The following VAT1L variants were observed in gnomAD, a reference collection of about 807,000 sequenced individuals.
VAT1L encodes the protein vesicle amine transport 1 like.
VAT1L carries 34 observed loss-of-function variants against 44.1 expected under a neutral mutation model. That is an observed-to-expected ratio of 0.77 (90% confidence interval 0.59 to 1.03). VAT1L has a LOEUF of 1.03. Ranked by LOEUF, VAT1L falls within the 50% of genes least tolerant of loss-of-function variation. The pLI is 0.00. For synonymous variants in VAT1L, 253 were observed against 202.2 expected, an observed-to-expected ratio of 1.25 and a Z score of -2.13; for missense variants, 615 against 538.8, an observed-to-expected ratio of 1.14 and a Z score of -1.40.
In VAT1L at chr16:77,971,925, A is replaced by C. The variant is rs751868396; in HGVS notation, c.1153A>C (p.Thr385Pro). Residue 385 changes from threonine to proline, a missense_variant, in exon 8 of 9, where the codon ACT becomes CCT. Physicochemically the swap from Thr to Pro is conservative, Grantham distance 38. Coordinates refer to ENST00000302536, the MANE Select transcript of VAT1L (RefSeq NM_020927.3). ...AATTCTGGATGTAGAAAAGACCCCA[A>C]CTCCACTGGTGAGTGAAAAGCAGAG... ...KLILDVEKTP[T>P]PLMANDSTET... The C allele has an allele frequency of 1.2e-6, 2 of 1,613,244 alleles. No individual in the cohort carries two copies. The highest frequency in any genetic ancestry group is 1.7e-4 in the Middle Eastern group (1 of 6,048).
chr16:77,964,895 G>C (rs1218836887), intron 7 of VAT1L, among the ~76,000 whole-genome samples: 2 of 147,362 alleles, frequency 1.4e-5, no homozygotes, highest in Admixed American at 6.9e-5. Context: ...CCCGGTTCAA[G>C]CAATTCTGCC....
intron 7 of VAT1L, among the ~76,000 whole-genome samples, chr16:77,950,903 A>G (rs1207118342): frequency 6.6e-6 from 1 of 152,206 alleles, no homozygotes; most frequent in East Asian, 1.9e-4. Flanking sequence ...GTCTCCTTAT[A>G]AAATTATGGC....
intron 7 of VAT1L, among the ~76,000 whole-genome samples, chr16:77,905,025 C>T (rs1311166521): frequency 1.3e-5 from 2 of 152,122 alleles, no homozygotes; most frequent in African/African-American, 2.4e-5. Flanking sequence ...TACAGTGTTC[C>T]ACGCTCAACA....
At chr16:77,811,461 A>G (rs1257238214) in intron 1 of VAT1L, among the ~76,000 whole-genome samples, 3 of 152,186 alleles carry the variant, frequency 2.0e-5, no homozygotes, top group African/African-American at 7.2e-5. Flanking sequence ...AAGAAGACAC[A>G]GCGGCCTACC....
At chr16:77,915,881 A>G (rs2017546900) in intron 7 of VAT1L, among the ~76,000 whole-genome samples, 1 of 152,014 alleles carries the variant, frequency 6.6e-6, no homozygotes, top group Non-Finnish European at 1.5e-5. Flanking sequence ...AGGGAAGACA[A>G]CTCCTGCGAA....
intron 3 of VAT1L, 41 bp from the exon 4 acceptor site, chr16:77,862,707 T>C: frequency 6.3e-7 from 1 of 1,588,126 alleles, no homozygotes; most frequent in Non-Finnish European, 8.6e-7. Flanking sequence ...TATGATCTGG[T>C]GGCTCCTATG....
intron 1 of VAT1L, among the ~76,000 whole-genome samples, chr16:77,789,358 T>C (rs2145199060): frequency 6.6e-6 from 1 of 152,304 alleles, no homozygotes; most frequent in South Asian, 2.1e-4. Flanking sequence ...TGGGACCTAA[T>C]GAGTCAGGTG....
At chr16:77,905,249 C>G (rs2017426191) in intron 7 of VAT1L, among the ~76,000 whole-genome samples, 1 of 152,060 alleles carries the variant, frequency 6.6e-6, no homozygotes, top group African/African-American at 2.4e-5. Context: ...AAAATGAAAA[C>G]ATTACGTTTG....
chr16:77,866,789 A>T (rs530031509), intron 4 of VAT1L, among the ~76,000 whole-genome samples: 28 of 152,196 alleles, frequency 1.8e-4, no homozygotes, highest in Non-Finnish European at 3.7e-4. Flanking sequence ...TCTCTTTAGG[A>T]GGAGAGAGAT....
chr16:77,824,854 CAAT>C lies in VAT1L; in HGVS notation c.364-388_364-386del, dbSNP rs1454837844. ...ATGTGTTTGTACCGTGGATAGCTCC[CAAT>C]AATGCTTTTTTTTTTTTTTTTTTTT... is the stretch of plus-strand genomic sequence containing the variant. On this transcript the variant is annotated intron_variant, in intron 2 of 8. Transcript: ENST00000302536. 2.1e-5 allele frequency among the ~76,000 whole-genome samples: 3 copies of C among 146,110 alleles called. No individual in the cohort carries two copies. The East Asian group carries it at 6.2e-4, about 30-fold the overall frequency.
chr16:77,916,871 G>T (rs2017557784), intron 7 of VAT1L, among the ~76,000 whole-genome samples: 1 of 150,996 alleles, frequency 6.6e-6, no homozygotes, highest in Admixed American at 6.6e-5. Context: ...TTTGTTGTTG[G>T]CAAAGAGTGC....
At chr16:77,912,128 C>A (rs1016727939) in intron 7 of VAT1L, among the ~76,000 whole-genome samples, 13 of 152,146 alleles carry the variant, frequency 8.5e-5, no homozygotes, top group African/African-American at 3.1e-4. Flanking sequence ...CTACATTTTA[C>A]CATGAGCTGC....
chr16:77,819,436 C>T (rs1028101333), intron 2 of VAT1L, among the ~76,000 whole-genome samples: 1 of 151,944 alleles, frequency 6.6e-6, no homozygotes, highest in African/African-American at 2.4e-5. Flanking sequence ...CGCTAGAGTG[C>T]AATGCCACAG....
At chr16:77,943,091 C>G (rs534163400) in intron 7 of VAT1L, among the ~76,000 whole-genome samples, 37 of 151,424 alleles carry the variant, frequency 2.4e-4, no homozygotes, top group Non-Finnish European at 4.6e-4. Context: ...GAGTCTGCCT[C>G]TGTCGCCCAG....
intron 1 of VAT1L, among the ~76,000 whole-genome samples, chr16:77,790,741 T>C (rs2015819496): frequency 6.6e-6 from 1 of 152,186 alleles, no homozygotes; most frequent in Non-Finnish European, 1.5e-5. Flanking sequence ...AGAGTACATA[T>C]TCAGAGAGGG....
chr16:77,967,235 G>T (rs2018232933), intron 7 of VAT1L, among the ~76,000 whole-genome samples: 1 of 152,174 alleles, frequency 6.6e-6, no homozygotes, highest in Non-Finnish European at 1.5e-5. Context: ...ATGGGCACCA[G>T]AGGCAAGAAC....
chr16:77,898,327 AG>A (rs1341584592), intron 7 of VAT1L, among the ~76,000 whole-genome samples: 3 of 152,066 alleles, frequency 2.0e-5, no homozygotes, highest in East Asian at 3.9e-4. Context: ...TTTGGAAAAG[AG>A]GGGGGGGACA....
At position 77,879,410 on chromosome 16, in the gene VAT1L, C is replaced by G. The variant is rs983518625; in HGVS notation, c.882+186C>G. 2.6e-5 allele frequency among the ~76,000 whole-genome samples: 4 copies of G among 152,202 alleles called. No homozygotes were observed. The highest frequency in any genetic ancestry group is 5.9e-5 in the Non-Finnish European group (4 of 68,048). ...GGTTCAAGCGATTCTCCTGCCTCAG[C>G]CTCCCTAGTAGCTGGGATTACAGGC... On this transcript the variant is annotated intron_variant, in intron 6 of 8. Transcript: ENST00000302536. This position sits in a 1 kb window ranked among gnomAD's most constrained non-coding sequence, Gnocchi z 4.1.
intron 7 of VAT1L, among the ~76,000 whole-genome samples, chr16:77,928,962 C>A (rs1337190504): frequency 6.6e-6 from 1 of 152,096 alleles, no homozygotes; most frequent in Non-Finnish European, 1.5e-5. Context: ...TACAGGTGCG[C>A]ACCACCATGC....
Sources: gnomAD v4.1 joint callset for allele counts (sites outside exome capture counted in the v4.1 genomes callset) on GRCh38, gnomAD v4.1.1 for gene constraint, Gnocchi (gnomAD v3.1) non-coding constraint, MANE v1.5 for transcripts, NCBI Gene and HGNC (gene_info 2026-07-23, HGNC 2026-07-21) for gene names.